Variants in CPEB3 observed in about 807,000 individuals in gnomAD.
CPEB3 encodes cytoplasmic polyadenylation element-binding protein 3.
A neutral mutation model predicts 67.2 loss-of-function variants in CPEB3; 20 were observed. The observed-to-expected ratio is 0.30, with a 90% CI of 0.21 to 0.43. The LOEUF (loss-of-function observed/expected upper bound fraction) is 0.43, where lower values mean the gene tolerates loss of function less well. Among genes scored for constraint, CPEB3 ranks in the 20% least tolerant of loss-of-function variants. The probability of loss-of-function intolerance (pLI) is 1.00; values close to 1 mark genes in which losing one functional copy is unlikely to be tolerated. For missense variants in CPEB3, 746 were observed against 968.6 expected (o/e 0.77, Z 3.05); for synonymous variants, 376 against 393.1 (o/e 0.96, Z 0.51).
At position 92,239,304 on chromosome 10, in the gene CPEB3, C is replaced by T; in HGVS notation, c.1005+42G>A. The T allele has an allele frequency of 6.4e-7, 1 of 1,572,978 alleles. No individual in the cohort carries two copies. Among genetic ancestry groups the T allele is most frequent in the African/African-American group, 1.3e-5 (1 of 74,298 alleles). On this transcript the variant is annotated intron_variant, in intron 2 of 9. Transcript: ENST00000265997. This position sits in a 1 kb window ranked among gnomAD's most constrained non-coding sequence, Gnocchi z 6.0. ...AAAGTCAGAGAAGTGGCAAAAGGAG[C>T]GGGGCAGAGGGAAGGAGTGTGTAGG...
chr10:92,180,890 A>T (rs1848428482), intron 4 of CPEB3, 73 bp downstream of exon 4: 1 of 829,314 alleles, frequency 1.2e-6, no homozygotes. Flanking sequence ...TGTAACCAAC[A>T]ATCAAGAATG....
In CPEB3 at chr10:92,275,845, C is replaced by CTT. The variant is rs909549413; in HGVS notation, c.-12+15079_-12+15080dup. Among the ~76,000 whole-genome samples the CTT allele has an allele frequency of 2.7e-3, 251 of 92,870 alleles. 2 individuals carry two copies. The highest frequency in any genetic ancestry group is 3.0e-3 in the Non-Finnish European group (127 of 42,240). 60.9% of individuals were successfully genotyped at this position (92,870 alleles called of 152,430 possible). A position where few individuals can be genotyped will look rare whatever the true frequency, so the allele number is the denominator to read the frequency against. On this transcript the variant is annotated intron_variant, in intron 1 of 9. Coordinates refer to ENST00000265997, the MANE Select transcript of CPEB3 (RefSeq NM_014912.5). Reference sequence around the variant, plus strand: ...GCATGTATCAGTACTTCATTCTTTTCTTTTTTTTTTTTTTTTTTTTTGAGA... The same window carrying CTT: ...GCATGTATCAGTACTTCATTCTTTTCTTTTTTTTTTTTTTTTTTTTTTTGAGA...
chr10:92,139,623 T>G lies in CPEB3; in HGVS notation c.1453+3406A>C, dbSNP rs79654342. ...GGAATGAATAAGATCTTGTCTTTGA[T>G]AGTACAACAGGGTGACTACAATCAA... On this transcript the variant is annotated intron_variant, in intron 6 of 9. Coordinates refer to ENST00000265997, the MANE Select transcript of CPEB3 (RefSeq NM_014912.5). Among the ~76,000 whole-genome samples, 450 of 152,324 alleles carry G rather than the reference T, an allele frequency of 3.0e-3. 16 individuals carry two copies. The East Asian group carries it at 0.079, about 27-fold the overall frequency.
intron 1 of CPEB3, among the ~76,000 whole-genome samples, chr10:92,267,020 G>A (rs1047587313): frequency 3.3e-5 from 5 of 151,876 alleles, no homozygotes; most frequent in Non-Finnish European, 7.4e-5. Flanking sequence ...GGGGACAAGA[G>A]CAAGACTTCA....
chr10:92,140,340 T>C (rs1846342348), intron 6 of CPEB3, among the ~76,000 whole-genome samples: 2 of 152,154 alleles, frequency 1.3e-5, no homozygotes, highest in African/African-American at 2.4e-5. Context: ...TATCTACAAC[T>C]ATCTGATCTT....
At chr10:92,150,591 T>C (rs553312382) in intron 4 of CPEB3, among the ~76,000 whole-genome samples, 1 of 152,338 alleles carries the variant, frequency 6.6e-6, no homozygotes, top group South Asian at 2.1e-4. Context: ...ATGCATTCAT[T>C]TGATTGGCAT....
At chr10:92,196,262 G>A (rs1215893251) in intron 2 of CPEB3, among the ~76,000 whole-genome samples, 1 of 152,238 alleles carries the variant, frequency 6.6e-6, no homozygotes, top group African/African-American at 2.4e-5. Context: ...GCAGGGACTA[G>A]TGTGAGCAGC....
At chr10:92,196,766 C>CAAA (rs563620027) in intron 2 of CPEB3, among the ~76,000 whole-genome samples, 1 of 113,178 alleles carries the variant, frequency 8.8e-6, no homozygotes, top group Non-Finnish European at 1.9e-5. Context: ...GACTCCGTCT[C>CAAA]AAAAAAAAAA....
intron 3 of CPEB3, among the ~76,000 whole-genome samples, chr10:92,183,037 C>T (rs1477898999): frequency 8.6e-5 from 13 of 151,856 alleles, no homozygotes; most frequent in Admixed American, 5.9e-4. Flanking sequence ...TAGTTTTTAT[C>T]GTTTCAAACC....
At chr10:92,137,474 A>C in intron 6 of CPEB3, 1 of 1,227,918 alleles carries the variant, frequency 8.1e-7, no homozygotes, top group Non-Finnish European at 1.2e-6. Context: ...AGCAACACCC[A>C]GGTGGTTTTG....
chr10:92,073,752 G>A, intron 9 of CPEB3, among the ~76,000 whole-genome samples: 1 of 151,954 alleles, frequency 6.6e-6, no homozygotes, highest in South Asian at 2.1e-4. Flanking sequence ...TAGGTGCGAG[G>A]CCCTGGATGA....
intron 4 of CPEB3, among the ~76,000 whole-genome samples, chr10:92,154,558 A>G (rs1257491900): frequency 1.3e-5 from 2 of 152,180 alleles, no homozygotes; most frequent in African/African-American, 4.8e-5. Context: ...CTAAAGCCTG[A>G]CAATATCTGT....
intron 1 of CPEB3, among the ~76,000 whole-genome samples, chr10:92,250,610 C>T (rs955227064): frequency 6.6e-6 from 1 of 152,162 alleles, no homozygotes; most frequent in Admixed American, 6.6e-5. Context: ...ACTAGAACAA[C>T]TTCCATTCCT....
At chr10:92,142,932 T>A (rs758212137) in intron 6 of CPEB3, 97 bp downstream of exon 6, 13 of 773,148 alleles carry the variant, frequency 1.7e-5, no homozygotes, top group Non-Finnish European at 2.8e-5. Context: ...GGGGAAAAAA[T>A]TCAACAGCTA....
At chr10:92,169,783 T>G (rs910514909) in intron 4 of CPEB3, among the ~76,000 whole-genome samples, 1 of 152,218 alleles carries the variant, frequency 6.6e-6, no homozygotes, top group Non-Finnish European at 1.5e-5. Flanking sequence ...CACCTTTTGG[T>G]TTTATCTTTT....
intron 7 of CPEB3, among the ~76,000 whole-genome samples, chr10:92,107,715 G>C (rs1388241133): frequency 6.9e-6 from 1 of 145,184 alleles, no homozygotes; most frequent in Non-Finnish European, 1.5e-5. Flanking sequence ...TACTGGAGAA[G>C]GAAAAAAAAA....
At chr10:92,265,790 C>T (rs1341472183) in intron 1 of CPEB3, among the ~76,000 whole-genome samples, 25 of 138,404 alleles carry the variant, frequency 1.8e-4, no homozygotes, top group Non-Finnish European at 3.2e-4. Context: ...AAAAAGTTTT[C>T]TTTTTTTTTT....
intron 5 of CPEB3, 72 bp downstream of exon 5, chr10:92,144,873 G>A: frequency 1.4e-6 from 2 of 1,386,268 alleles, no homozygotes; most frequent in Non-Finnish European, 2.0e-6. Context: ...TTGACTTGGA[G>A]AGGAGAGGCA....
At chr10:92,155,490 T>C (rs1374070338) in intron 4 of CPEB3, among the ~76,000 whole-genome samples, 2 of 152,228 alleles carry the variant, frequency 1.3e-5, no homozygotes, top group Non-Finnish European at 2.9e-5. Context: ...ATAAGTGTTC[T>C]AGATATGCGA....
Sources: gnomAD v4.1 joint callset for allele counts (sites outside exome capture counted in the v4.1 genomes callset) on GRCh38, gnomAD v4.1.1 for gene constraint, Gnocchi (gnomAD v3.1) non-coding constraint, MANE v1.5 for transcripts, NCBI Gene and HGNC (gene_info 2026-07-23, HGNC 2026-07-21) for gene names.